CACNA1B: variants seen among roughly 807,000 people sequenced by gnomAD.
The protein encoded by CACNA1B is voltage-dependent N-type calcium channel subunit alpha-1B.
A neutral mutation model predicts 247.2 loss-of-function variants in CACNA1B; 70 were observed. The observed-to-expected ratio is 0.28, with a 90% confidence interval of 0.23 to 0.35. CACNA1B has a LOEUF of 0.35. CACNA1B is among the 10% of genes least tolerant of loss of function. The pLI is 1.00. For synonymous variants in CACNA1B, 1,231 were observed against 1,294.4 expected (o/e 0.95, Z 1.05); for missense variants, 2,367 against 3,197.4 (o/e 0.74, Z 6.26).
At chr9:137,959,156 T>C (rs1453840190) in intron 10 of CACNA1B, among the ~76,000 whole-genome samples, 1 of 152,194 alleles carries the variant, frequency 6.6e-6, no homozygotes, top group Non-Finnish European at 1.5e-5. Context: ...CACTGCAACC[T>C]CTGTCTCCCA....
At chr9:138,086,574 A>G (rs1449035156) in intron 36 of CACNA1B, among the ~76,000 whole-genome samples, 1 of 151,328 alleles carries the variant, frequency 6.6e-6, no homozygotes, top group Non-Finnish European at 1.5e-5. Flanking sequence ...ATGTCATTAT[A>G]TAATGATAAA....
rs201241411 is a variant in CACNA1B at position 138,122,162 on chromosome 9, G to A, written c.*163G>A. 56 of 624,394 alleles carry A rather than the reference G, an allele frequency of 9.0e-5. No individual in the cohort carries two copies. The East Asian group carries it at 1.2e-3, about 13-fold the overall frequency. The allele number at this position is 624,394 out of a possible 1,614,324, so 38.7% of individuals were successfully genotyped here. ...CCTCCTCCCCTCTTTTACTCTAGAC[G>A]ACGAATAAAGCCCTGTTAGAGGATG... On this transcript the variant is annotated 3_prime_UTR_variant, in exon 47 of 47. Coordinates refer to ENST00000371372, the MANE Select transcript of CACNA1B (RefSeq NM_000718.4).
In CACNA1B at chr9:137,922,281, C is replaced by T. The variant is rs562017780; in HGVS notation, c.966+4850C>T. ...TCGGAGAACATGATCAGCACCACGA[C>T]CGCACAGCATCCTGGGAGCAGAATA... On this transcript the variant is annotated intron_variant, in intron 6 of 46. Coordinates refer to ENST00000371372, the MANE Select transcript of CACNA1B (RefSeq NM_000718.4). Among the ~76,000 whole-genome samples the T allele has an allele frequency of 6.7e-5, 10 of 148,222 alleles. No homozygotes were observed. In the South Asian group the frequency reaches 1.5e-3, roughly 22 times the overall value.
rs1244540086 is a variant in CACNA1B at position 138,054,273 on chromosome 9, G to A, written c.3968+267G>A. Among the ~76,000 whole-genome samples, 1 of 152,258 alleles carries A rather than the reference G, an allele frequency of 6.6e-6. No individual in the cohort carries two copies. Among genetic ancestry groups the A allele is most frequent in the Non-Finnish European group, 1.5e-5 (1 of 68,042 alleles). ...GAGTCAGGAACCAGGCATGTTCTGA[G>A]GGACACAGACATCCAGGGAGCTCAA... On this transcript the variant is annotated intron_variant, in intron 26 of 46. Transcript: ENST00000371372. The surrounding 1 kb of genome is among the most constrained non-coding windows in gnomAD (Gnocchi z 4.6).
At chr9:138,044,303 T>C (rs907108535) in intron 21 of CACNA1B, among the ~76,000 whole-genome samples, 55 of 152,274 alleles carry the variant, frequency 3.6e-4, no homozygotes, top group African/African-American at 1.3e-3. Flanking sequence ...CCTGTGCTTT[T>C]CATGCATTCA....
chr9:137,889,273 C>T lies in CACNA1B; in HGVS notation c.530+6390C>T, dbSNP rs116578941. On this transcript the variant is annotated intron_variant, in intron 3 of 46. Coordinates refer to ENST00000371372, the MANE Select transcript of CACNA1B (RefSeq NM_000718.4). ...AGCCTGGGGTCCTTGGACTGCAGCCCTGCGGGAGGTGCAGCACCCCGACCT... is the reference window on the plus strand; with the variant it reads ...AGCCTGGGGTCCTTGGACTGCAGCCTTGCGGGAGGTGCAGCACCCCGACCT... Among the ~76,000 whole-genome samples, 2 of 150,372 alleles carry T rather than the reference C, an allele frequency of 1.3e-5. 1 individual carries two copies. The highest frequency in any genetic ancestry group is 3.0e-5 in the Non-Finnish European group (2 of 66,822).
chr9:137,983,360 T>C (rs1202570292), intron 12 of CACNA1B, among the ~76,000 whole-genome samples: 1 of 152,132 alleles, frequency 6.6e-6, no homozygotes. Flanking sequence ...CCCTTGCTTG[T>C]CCTGTCCAGA....
chr9:137,957,578 C>T lies in CACNA1B; in HGVS notation c.1244-20C>T, dbSNP rs201156720. Reference sequence around the variant, plus strand: ...AGGGCTGCAGCTCAGGCAGTCTCTCCCATCCTTTGTTTAAAGCAGTGCTGA... The same window carrying T: ...AGGGCTGCAGCTCAGGCAGTCTCTCTCATCCTTTGTTTAAAGCAGTGCTGA... On this transcript the variant is annotated intron_variant, in intron 9 of 46. Transcript: ENST00000371372. This position sits in a 1 kb window ranked among gnomAD's most constrained non-coding sequence, Gnocchi z 4.7. The T allele has an allele frequency of 3.2e-6, 5 of 1,551,750 alleles. No homozygotes were observed. Among genetic ancestry groups the T allele is most frequent in the Non-Finnish European group, 3.5e-6 (4 of 1,147,350 alleles).
rs540184306 is a variant in CACNA1B at position 137,903,259 on chromosome 9, G to A, written c.531-9921G>A. On this transcript the variant is annotated intron_variant, in intron 3 of 46. Transcript: ENST00000371372. ...AAATTAGCCAGGCATGGTGGTGCGC[G>A]CCTGTAGTCCCAGCTACTCGGGAGC... 7.9e-5 allele frequency among the ~76,000 whole-genome samples: 12 copies of A among 152,184 alleles called. No homozygotes were observed. The East Asian group carries it at 1.5e-3, about 20-fold the overall frequency.
At chr9:138,017,413 G>A (rs966735474) in intron 18 of CACNA1B, among the ~76,000 whole-genome samples, 5 of 152,226 alleles carry the variant, frequency 3.3e-5, no homozygotes, top group East Asian at 1.9e-4. Context: ...TGCGCTCAGC[G>A]CCTCCTCCTT....
At chr9:138,003,894 C>T (rs1024262403) in intron 15 of CACNA1B, among the ~76,000 whole-genome samples, 5 of 149,152 alleles carry the variant, frequency 3.4e-5, no homozygotes, top group African/African-American at 1.2e-4. Context: ...AGCGCTAGGA[C>T]TACAGACGTG....
intron 20 of CACNA1B, among the ~76,000 whole-genome samples, chr9:138,039,517 T>A (rs558920815): frequency 1.3e-5 from 2 of 152,304 alleles, no homozygotes; most frequent in East Asian, 3.9e-4. Context: ...ATTATTTTGT[T>A]TTTTTAGGAC....
intron 10 of CACNA1B, among the ~76,000 whole-genome samples, chr9:137,962,385 T>C (rs191089923): frequency 7.2e-5 from 11 of 152,054 alleles, no homozygotes; most frequent in Admixed American, 7.2e-4. Context: ...GTTTTCTATC[T>C]CCTTCAGTTC....
At chr9:137,978,368 C>T (rs1333829954) in intron 12 of CACNA1B, among the ~76,000 whole-genome samples, 2 of 146,788 alleles carry the variant, frequency 1.4e-5, no homozygotes, top group Admixed American at 1.3e-4. Context: ...CCACCCCTCC[C>T]ATGAAGGAGT....
At chr9:138,036,174 C>G (rs1184860423) in intron 20 of CACNA1B, among the ~76,000 whole-genome samples, 3 of 151,962 alleles carry the variant, frequency 2.0e-5, no homozygotes, top group African/African-American at 7.2e-5. Flanking sequence ...GAGTCTCGCT[C>G]TGTCGCCCAG....
At position 137,954,056 on chromosome 9, in the gene CACNA1B, CG is replaced by C. The variant is rs1467896242; in HGVS notation, c.1071-1640del. ...GGGGAGGCCCAAGGCAGGGCCTGCA[CG>C]GTATTTCCCACTCCTTCCCCACTGT... On this transcript the variant is annotated intron_variant, in intron 7 of 46. Coordinates refer to ENST00000371372, the MANE Select transcript of CACNA1B (RefSeq NM_000718.4). The surrounding 1 kb of genome is among the most constrained non-coding windows in gnomAD (Gnocchi z 4.1). Among the ~76,000 whole-genome samples the C allele has an allele frequency of 6.6e-6, 1 of 152,126 alleles. No homozygotes were observed. The highest frequency in any genetic ancestry group is 1.5e-5 in the Non-Finnish European group (1 of 68,006).
intron 20 of CACNA1B, among the ~76,000 whole-genome samples, chr9:138,031,511 G>T (rs2133450933): frequency 6.6e-6 from 1 of 152,266 alleles, no homozygotes. Context: ...TATAAGCATT[G>T]TTTAGATCCT....
intron 31 of CACNA1B, among the ~76,000 whole-genome samples, chr9:138,064,116 A>G (rs748496391): frequency 2.6e-5 from 4 of 152,050 alleles, no homozygotes; most frequent in African/African-American, 4.8e-5. Flanking sequence ...CCGCAATCTC[A>G]TTTTAGTTCC....
At chr9:137,982,863 C>A (rs1184547401) in intron 12 of CACNA1B, among the ~76,000 whole-genome samples, 1 of 152,132 alleles carries the variant, frequency 6.6e-6, no homozygotes, top group East Asian at 1.9e-4. Context: ...TATTGGTGTA[C>A]CTGGTTGTTG....
Sources: gnomAD v4.1 joint callset for allele counts (sites outside exome capture counted in the v4.1 genomes callset) on GRCh38, gnomAD v4.1.1 for gene constraint, Gnocchi (gnomAD v3.1) non-coding constraint, MANE v1.5 for transcripts, NCBI Gene and HGNC (gene_info 2026-07-23, HGNC 2026-07-21) for gene names.